The following FAT3 variants were observed in gnomAD, a reference collection of about 807,000 sequenced individuals.
The protein encoded by FAT3 is FAT atypical cadherin 3.
In FAT3, 95 loss-of-function variants were observed where a neutral mutation model predicts 310.2. The observed-to-expected ratio is 0.31, with a 90% CI of 0.26 to 0.36. FAT3 has a LOEUF of 0.36. Ranked by LOEUF, FAT3 falls within the 10% of genes least tolerant of loss-of-function variation. The pLI is 1.00. For missense variants in FAT3, 5,408 were observed against 5,715.6 expected (o/e 0.95, Z 1.74); for synonymous variants, 2,314 against 2,192.9 (o/e 1.06, Z -1.54).
At chr11:92,504,687 G>A (rs1472442283) in intron 2 of FAT3, among the ~76,000 whole-genome samples, 1 of 151,896 alleles carries the variant, frequency 6.6e-6, no homozygotes, top group Non-Finnish European at 1.5e-5. Context: ...TTACCTGTTA[G>A]CATTTTCTCT....
intron 20 of FAT3, 58 bp from the exon 21 acceptor site, chr11:92,859,107 T>C (rs1470686994): frequency 6.5e-7 from 1 of 1,539,500 alleles, no homozygotes; most frequent in Non-Finnish European, 8.8e-7. Flanking sequence ...ATTTCATGTG[T>C]CTCTGTTCCT....
intron 2 of FAT3, among the ~76,000 whole-genome samples, chr11:92,358,888 T>C (rs1269732213): frequency 2.6e-5 from 4 of 152,204 alleles, no homozygotes; most frequent in Non-Finnish European, 5.9e-5. Flanking sequence ...AGGTCTAGAC[T>C]CTGTTGTCTT....
At chr11:92,519,838 A>T (rs7129039) in intron 2 of FAT3, among the ~76,000 whole-genome samples, 1 of 152,094 alleles carries the variant, frequency 6.6e-6, no homozygotes, top group Non-Finnish European at 1.5e-5. Context: ...TACCCATTAG[A>T]ATATCTACAT....
At chr11:92,707,209 T>C (rs1944383669) in intron 4 of FAT3, among the ~76,000 whole-genome samples, 1 of 152,208 alleles carries the variant, frequency 6.6e-6, no homozygotes, top group Non-Finnish European at 1.5e-5. Flanking sequence ...ATGAAACCAG[T>C]TCACTTGGAT....
intron 2 of FAT3, among the ~76,000 whole-genome samples, chr11:92,374,948 A>G (rs566144149): frequency 5.9e-5 from 9 of 152,248 alleles, no homozygotes; most frequent in African/African-American, 1.9e-4. Flanking sequence ...ACATGGAGCT[A>G]TCTCCCTGGT....
At chr11:92,270,491 C>A (rs536884140) in intron 1 of FAT3, among the ~76,000 whole-genome samples, 1 of 150,726 alleles carries the variant, frequency 6.6e-6, no homozygotes, top group South Asian at 2.1e-4. Context: ...TCAGTCTGGC[C>A]AACATGGTGA....
At chr11:92,298,284 G>A (rs1946901347) in intron 1 of FAT3, among the ~76,000 whole-genome samples, 1 of 152,080 alleles carries the variant, frequency 6.6e-6, no homozygotes, top group African/African-American at 2.4e-5. Context: ...ATAAATGCAT[G>A]CTGCTTAAGG....
At chr11:92,367,141 T>C in intron 2 of FAT3, 1 of 403,342 alleles carries the variant, frequency 2.5e-6, no homozygotes, top group Non-Finnish European at 4.9e-6. Flanking sequence ...GCACTTTGCC[T>C]TCTCGTGGCC....
intron 20 of FAT3, among the ~76,000 whole-genome samples, chr11:92,858,508 G>A (rs1169243349): frequency 6.6e-6 from 1 of 151,994 alleles, no homozygotes; most frequent in Non-Finnish European, 1.5e-5. Flanking sequence ...CAGCTTTTCA[G>A]CCATTACTTT....
At chr11:92,435,021 C>T (rs924680796) in intron 2 of FAT3, among the ~76,000 whole-genome samples, 1 of 152,106 alleles carries the variant, frequency 6.6e-6, no homozygotes, top group Non-Finnish European at 1.5e-5. Context: ...TCCGTGGTGG[C>T]AGGCTGGGCA....
chr11:92,538,360 G>A (rs561801767), intron 3 of FAT3, among the ~76,000 whole-genome samples: 1 of 152,010 alleles, frequency 6.6e-6, no homozygotes, highest in Admixed American at 6.6e-5. Context: ...TACCCATAAG[G>A]CAATAGCCAA....
At chr11:92,288,123 G>A (rs1870299) in intron 1 of FAT3, among the ~76,000 whole-genome samples, 95,783 of 151,934 alleles carry the variant, frequency 0.63, 30,585 homozygotes, top group Admixed American at 0.68. Context: ...TGTACGTACA[G>A]TAGAATACTA....
chr11:92,764,929 C>T lies in FAT3; in HGVS notation c.4035C>T (p.Leu1345=). Residue 1345 remains leucine (L), a synonymous_variant, in exon 6 of 28, where the codon CTC becomes CTT. Transcript: ENST00000525166. ...GRPQKSSTAR[L]HIEWIKKPPP... ...CACAGAAATCCTCCACGGCCCGCCT[C>T]CACATTGAATGGATTAAGAAACCAC... 1.2e-6 allele frequency: 2 copies of T among 1,613,848 alleles called. No individual in the cohort carries two copies. The highest frequency in any genetic ancestry group is 1.7e-6 in the Non-Finnish European group (2 of 1,179,840).
rs774915231 is a variant in FAT3 at position 92,891,089 on chromosome 11, G to A, written c.13746G>A (p.Glu4582=). Residue 4582 remains glutamate, a synonymous_variant, in exon 28 of 28, where the codon GAG becomes GAA. Transcript: ENST00000525166. ...SLASLHIPFV[E]TQHQTQV ...CCAGCCTTCACATTCCCTTTGTGGA[G>A]ACTCAGCATCAGACTCAAGTGTAGA... is the stretch of plus-strand genomic sequence containing the variant. The A allele has an allele frequency of 6.2e-7, 1 of 1,613,690 alleles. No individual in the cohort carries two copies. Among genetic ancestry groups the A allele is most frequent in the Admixed American group, 1.7e-5 (1 of 59,990 alleles).
At chr11:92,487,284 C>T (rs902228276) in intron 2 of FAT3, among the ~76,000 whole-genome samples, 1 of 152,140 alleles carries the variant, frequency 6.6e-6, no homozygotes, top group Non-Finnish European at 1.5e-5. Flanking sequence ...GGTAGCTGCT[C>T]ACTTCTAGCA....
chr11:92,725,632 G>C (rs1171052328), intron 4 of FAT3, among the ~76,000 whole-genome samples: 2 of 152,024 alleles, frequency 1.3e-5, no homozygotes, highest in Non-Finnish European at 2.9e-5. Flanking sequence ...CATCTTAAAA[G>C]ACACCTTAAA....
At chr11:92,559,509 T>C (rs1478738957) in intron 3 of FAT3, 1 of 365,096 alleles carries the variant, frequency 2.7e-6, no homozygotes, top group Non-Finnish European at 5.5e-6. Context: ...CTCAGCCTCT[T>C]GAGTAGCTGG....
At position 92,720,093 on chromosome 11, in the gene FAT3, A is replaced by G. The variant is rs1029198164; in HGVS notation, c.3669+22648A>G. Among the ~76,000 whole-genome samples the G allele has an allele frequency of 3.9e-5, 6 of 152,306 alleles. 1 individual carries two copies. Among genetic ancestry groups the G allele is most frequent in the African/African-American group, 1.4e-4 (6 of 41,560 alleles). On this transcript the variant is annotated intron_variant, in intron 4 of 27. Coordinates refer to ENST00000525166, the MANE Select transcript of FAT3 (RefSeq NM_001367949.2). ...TTAACGTCATTTATGACCGGAACTC[A>G]TAGGATATAGGGATCTAGAATTTGA...
chr11:92,778,831 C>T (rs1946663875), intron 7 of FAT3, among the ~76,000 whole-genome samples: 1 of 152,030 alleles, frequency 6.6e-6, no homozygotes, highest in African/African-American at 2.4e-5. Context: ...ACCGGGCTGC[C>T]ATGGTGTTTC....
Sources: gnomAD v4.1 joint callset for allele counts (sites outside exome capture counted in the v4.1 genomes callset) on GRCh38, gnomAD v4.1.1 for gene constraint, MANE v1.5 for transcripts, NCBI Gene and HGNC (gene_info 2026-07-23, HGNC 2026-07-21) for gene names.